ADAM12: variants seen among roughly 807,000 people sequenced by gnomAD.
ADAM12 encodes ADAM metallopeptidase domain 12.
A neutral mutation model predicts 106.4 loss-of-function variants in ADAM12; 70 were observed. The observed-to-expected ratio is 0.66, with a 90% CI of 0.54 to 0.80. The LOEUF is 0.80. ADAM12 is among the 30% of genes least tolerant of loss of function. ADAM12 has a pLI of 0.00. For missense variants in ADAM12, 1,010 were observed against 1,171.9 expected (o/e 0.86, Z 2.02); for synonymous variants, 420 against 433.5 (o/e 0.97, Z 0.39).
rs962133854 is a variant in ADAM12, at chr10:126,071,501, C to T, written c.1299G>A (p.Glu433=). 1 of 1,614,138 alleles carries T rather than the reference C, an allele frequency of 6.2e-7. No individual in the cohort carries two copies. Among genetic ancestry groups the T allele is most frequent in the South Asian group, 1.1e-5 (1 of 91,076 alleles). ...CCTCTGGCTCCCCACAGTCACACTC[C>T]TCTCCTTCTTCCACAAATCTGTTCC... is the stretch of plus-strand genomic sequence containing the variant. ...KCGNRFVEEG[E]ECDCGEPEEC... is the part of the protein sequence containing the mutation. The change falls in exon 12 of 23, where the codon GAG becomes GAA. Residue 433 remains glutamate (E), a synonymous_variant. Transcript: ENST00000448723.
intron 2 of ADAM12, among the ~76,000 whole-genome samples, chr10:126,302,928 T>TA (rs1337838471): frequency 1.1e-4 from 17 of 152,112 alleles, no homozygotes; most frequent in Admixed American, 1.1e-3. Context: ...AAGTGACTTT[T>TA]AAAAGAAGGG....
At chr10:126,174,540 C>A (rs187728594) in intron 3 of ADAM12, among the ~76,000 whole-genome samples, 1 of 152,062 alleles carries the variant, frequency 6.6e-6, no homozygotes, top group African/African-American at 2.4e-5. Context: ...ACACTATTCC[C>A]GTACCAGACA....
chr10:126,335,433 G>A (rs548089876), intron 1 of ADAM12, among the ~76,000 whole-genome samples: 2 of 152,278 alleles, frequency 1.3e-5, no homozygotes, highest in Middle Eastern at 6.8e-3. Flanking sequence ...TTGCCAAGAA[G>A]CCAGGGACAA....
intron 21 of ADAM12, among the ~76,000 whole-genome samples, chr10:126,023,696 G>A (rs1010530519): frequency 6.6e-6 from 1 of 152,146 alleles, no homozygotes; most frequent in Non-Finnish European, 1.5e-5. Flanking sequence ...CAGACCGAGG[G>A]AGAAAAATAA....
chr10:126,254,857 T>A (rs1054945206), intron 3 of ADAM12, among the ~76,000 whole-genome samples: 3 of 152,170 alleles, frequency 2.0e-5, no homozygotes, highest in African/African-American at 7.2e-5. Flanking sequence ...CCTGGAACTG[T>A]CATTAGAACC....
At chr10:126,279,232 C>T (rs1959434372) in intron 2 of ADAM12, among the ~76,000 whole-genome samples, 1 of 152,008 alleles carries the variant, frequency 6.6e-6, no homozygotes, top group Admixed American at 6.6e-5. Context: ...AGGTGGGCAA[C>T]ACAGTGAGAC....
chr10:126,369,164 T>C (rs1338188567), intron 1 of ADAM12, among the ~76,000 whole-genome samples: 1 of 152,216 alleles, frequency 6.6e-6, no homozygotes. Flanking sequence ...TTCATTTACA[T>C]GAAAGGTTGT....
rs3069557 is a variant in ADAM12, at chr10:126,159,307, C to CAAAAAA, written c.261-4008_261-4003dup. 7.6e-3 allele frequency among the ~76,000 whole-genome samples: 612 copies of CAAAAAA among 80,554 alleles called. 45 individuals are homozygous for CAAAAAA. The highest frequency in any genetic ancestry group is 0.03 in the African/African-American group (531 of 17,698). 52.8% of individuals were successfully genotyped at this position (80,554 alleles called of 152,430 possible). On this transcript the variant is annotated intron_variant, in intron 3 of 22. Coordinates refer to ENST00000448723, the MANE Select transcript of ADAM12 (RefSeq NM_001288973.2). ...CCTGGGCAACAGAGCGAGACTCCAT[C>CAAAAAA]AAAAAAAAAAAAAAAAAAAAAAAAG...
chr10:126,333,166 A>G (rs1854581815), intron 1 of ADAM12, among the ~76,000 whole-genome samples: 1 of 152,218 alleles, frequency 6.6e-6, no homozygotes, highest in Non-Finnish European at 1.5e-5. Flanking sequence ...CACATAAACG[A>G]ACCAGTTTAA....
chr10:126,059,664 TG>T (rs1378067996), intron 14 of ADAM12, among the ~76,000 whole-genome samples: 1 of 152,232 alleles, frequency 6.6e-6, no homozygotes, highest in Non-Finnish European at 1.5e-5. Context: ...AAAAATGGTC[TG>T]GTCAGCTCAC....
At chr10:126,195,680 T>C (rs1215665144) in intron 3 of ADAM12, among the ~76,000 whole-genome samples, 4 of 152,238 alleles carry the variant, frequency 2.6e-5, no homozygotes, top group Non-Finnish European at 5.9e-5. Context: ...ATATGATATA[T>C]ATGATTCTTA....
At chr10:126,308,088 T>A (rs1306666138) in intron 2 of ADAM12, among the ~76,000 whole-genome samples, 3 of 152,030 alleles carry the variant, frequency 2.0e-5, no homozygotes, top group African/African-American at 7.2e-5. Flanking sequence ...GCTGCACTTC[T>A]AGTAAGGCTC....
Position 126,163,776 on chromosome 10 carries a change from C to T in ADAM12, c.261-8471G>A, listed in dbSNP as rs142812246. On this transcript the variant is annotated intron_variant, in intron 3 of 22. Transcript: ENST00000448723. ...TTATTTCTTGTTTACTTGTCTTCCTCCCACACTGGGTTGAGCTAAAAAGCA... is the reference window on the plus strand; with the variant it reads ...TTATTTCTTGTTTACTTGTCTTCCTTCCACACTGGGTTGAGCTAAAAAGCA... Among the ~76,000 whole-genome samples, 287 of 152,282 alleles carry T rather than the reference C, an allele frequency of 1.9e-3. 1 individual carries two copies. The highest frequency in any genetic ancestry group is 3.1e-3 in the Non-Finnish European group (212 of 68,028).
At chr10:126,323,619 T>C (rs1200597139) in intron 2 of ADAM12, among the ~76,000 whole-genome samples, 3 of 151,974 alleles carry the variant, frequency 2.0e-5, no homozygotes, top group Non-Finnish European at 4.4e-5. Flanking sequence ...TGCACCAAGG[T>C]GGAAGGGCAC....
Position 126,106,642 on chromosome 10 carries a change from C to T in ADAM12, c.741+1951G>A, listed in dbSNP as rs192589227. On this transcript the variant is annotated intron_variant, in intron 8 of 22. Transcript: ENST00000448723. Reference sequence around the variant, plus strand: ...CTGGGACTACAGGCGCATGCCACCACGCCCAGCTAGTTTTTGTATTTTTAG... The same window carrying T: ...CTGGGACTACAGGCGCATGCCACCATGCCCAGCTAGTTTTTGTATTTTTAG... Among the ~76,000 whole-genome samples the T allele has an allele frequency of 6.1e-3, 927 of 152,114 alleles. 11 individuals are homozygous for T. The highest frequency in any genetic ancestry group is 0.022 in the African/African-American group (898 of 41,510).
At chr10:126,291,604 T>C (rs1960150996) in intron 2 of ADAM12, among the ~76,000 whole-genome samples, 1 of 152,206 alleles carries the variant, frequency 6.6e-6, no homozygotes, top group Admixed American at 6.5e-5. Flanking sequence ...GGCTGTGTCT[T>C]GAGGCATTCA....
chr10:126,281,666 T>A (rs1959588451), intron 2 of ADAM12, among the ~76,000 whole-genome samples: 1 of 152,220 alleles, frequency 6.6e-6, no homozygotes, highest in Admixed American at 6.5e-5. Context: ...TTCATTCCAT[T>A]TTCTTTTGAT....
chr10:126,243,940 A>T (rs1426288433), intron 3 of ADAM12, among the ~76,000 whole-genome samples: 1 of 152,220 alleles, frequency 6.6e-6, no homozygotes, highest in Non-Finnish European at 1.5e-5. Flanking sequence ...TCAGTTCGGA[A>T]AAGATTTGCA....
chr10:126,101,026 G>C, intron 9 of ADAM12, 46 bp downstream of exon 9: 3 of 1,601,994 alleles, frequency 1.9e-6, no homozygotes, highest in Non-Finnish European at 2.6e-6. Flanking sequence ...GGGCTTCGCC[G>C]AGAGCACTCC....
Sources: gnomAD v4.1 joint callset for allele counts (sites outside exome capture counted in the v4.1 genomes callset) on GRCh38, gnomAD v4.1.1 for gene constraint, MANE v1.5 for transcripts, NCBI Gene and HGNC (gene_info 2026-07-23, HGNC 2026-07-21) for gene names.